Variants in CD79A observed in about 807,000 individuals in gnomAD.
CD79A encodes the protein B-cell antigen receptor complex-associated protein alpha chain.
A neutral mutation model predicts 27.4 loss-of-function variants in CD79A; 16 were observed. The observed-to-expected ratio is 0.58, with a 90% confidence interval of 0.40 to 0.89. The LOEUF is 0.89. CD79A is among the 40% of genes least tolerant of loss of function. The pLI is 0.00. For synonymous variants in CD79A, 110 were observed against 132.7 expected (o/e 0.83, Z 1.18); for missense variants, 237 against 299.7 (o/e 0.79, Z 1.55).
In CD79A at chr19:41,881,159, T is replaced by C. The variant is rs1279487756; in HGVS notation, c.*179T>C. On this transcript the variant is annotated 3_prime_UTR_variant, in exon 5 of 5. Coordinates refer to ENST00000221972, the MANE Select transcript of CD79A (RefSeq NM_001783.4). ...CAGGCCAGGCCTCCTTGGACTCCCC[T>C]GGGGGTGTCCCACTCTTCTTCCCTC... 3.1e-6 allele frequency: 2 copies of C among 654,940 alleles called. No individual in the cohort carries two copies. Among genetic ancestry groups the C allele is most frequent in the Non-Finnish European group, 5.6e-6 (2 of 360,034 alleles). 40.6% of individuals were successfully genotyped at this position (654,940 alleles called of 1,614,324 possible). A position where few individuals can be genotyped will look rare whatever the true frequency, so the allele number is the denominator to read the frequency against.
At position 41,879,661 on chromosome 19, in the gene CD79A, C is replaced by T. The variant is rs1555843788; in HGVS notation, c.498+8C>T. On this transcript the variant is annotated splice_region_variant and intron_variant, in intron 3 of 4. Coordinates refer to ENST00000221972, the MANE Select transcript of CD79A (RefSeq NM_001783.4). The surrounding 1 kb of genome is among the most constrained non-coding windows in gnomAD (Gnocchi z 5.1). ...ACGCTGCTGCTGTTCAGGGTGAGCC[C>T]CCTCGGACCTCTGAGTCAGCCGGGC... 1 of 1,581,740 alleles carries T rather than the reference C, an allele frequency of 6.3e-7. No homozygotes were observed. The highest frequency in any genetic ancestry group is 1.7e-5 in the Admixed American group (1 of 59,754).
In CD79A at chr19:41,881,328, G is replaced by T. The variant is rs1568803353; in HGVS notation, c.*348G>T. The T allele has an allele frequency of 3.1e-5, 14 of 454,192 alleles. No individual in the cohort carries two copies. Among genetic ancestry groups the T allele is most frequent in the Non-Finnish European group, 4.9e-5 (12 of 243,680 alleles). 28.1% of individuals were successfully genotyped at this position (454,192 alleles called of 1,614,324 possible). ...TCGTTAGTGTCACCCCCTCCTCCCT[G>T]ATCTGTCAGGGCCACTTAGTGATAA... On this transcript the variant is annotated 3_prime_UTR_variant, in exon 5 of 5. Coordinates refer to ENST00000221972, the MANE Select transcript of CD79A (RefSeq NM_001783.4).
intron 3 of CD79A, 24 bp from the exon 4 acceptor site, chr19:41,880,646 C>CGGGGGGGG: frequency 1.3e-4 from 137 of 1,069,028 alleles, no homozygotes; most frequent in Non-Finnish European, 1.8e-4. Context: ...CTCACTGAGG[C>CGGGGGGGG]ACCCACCCCA....
In CD79A at chr19:41,879,940, C is replaced by T. The variant is rs2074211887; in HGVS notation, c.498+287C>T. On this transcript the variant is annotated intron_variant, in intron 3 of 4. Transcript: ENST00000221972. The surrounding 1 kb of genome is among the most constrained non-coding windows in gnomAD (Gnocchi z 5.1). ...TCTTCTCCCTAAGAGTGTCCTCACT[C>T]CCCTCCTGCCCTCACCCAGGAGTGT... Among the ~76,000 whole-genome samples the T allele has an allele frequency of 6.6e-6, 1 of 152,130 alleles. No homozygotes were observed. Among genetic ancestry groups the T allele is most frequent in the South Asian group, 2.1e-4 (1 of 4,826 alleles).
rs528145801 is a variant in CD79A at position 41,880,046 on chromosome 19, T to G, written c.498+393T>G. Among the ~76,000 whole-genome samples the G allele has an allele frequency of 2.0e-5, 3 of 152,260 alleles. No homozygotes were observed. The South Asian group carries it at 6.2e-4, about 32-fold the overall frequency. ...ATCTCTGATCTGTACCAGCCTCTCC[T>G]TAGGCACTACAGAAAGTGTGACTGT... On this transcript the variant is annotated intron_variant, in intron 3 of 4. Transcript: ENST00000221972.
At position 41,878,502 on chromosome 19, in the gene CD79A, G is replaced by A. The variant is rs1372325754; in HGVS notation, c.80-488G>A. 6.6e-6 allele frequency among the ~76,000 whole-genome samples: 1 copy of A among 152,188 alleles called. No individual in the cohort carries two copies. Among genetic ancestry groups the A allele is most frequent in the African/African-American group, 2.4e-5 (1 of 41,452 alleles). ...CACAAGAAAAAGCGCCAGGTGCTGG[G>A]CCTGGCTGAGGCTGGGGTGCAAAAA... On this transcript the variant is annotated intron_variant, in intron 1 of 4. Coordinates refer to ENST00000221972, the MANE Select transcript of CD79A (RefSeq NM_001783.4). This position sits in a 1 kb window ranked among gnomAD's most constrained non-coding sequence, Gnocchi z 4.3.
Sources: gnomAD v4.1 joint callset for allele counts (sites outside exome capture counted in the v4.1 genomes callset) on GRCh38, gnomAD v4.1.1 for gene constraint, Gnocchi (gnomAD v3.1) non-coding constraint, MANE v1.5 for transcripts, NCBI Gene and HGNC (gene_info 2026-07-23, HGNC 2026-07-21) for gene names.